TRMU: variants seen among roughly 807,000 people sequenced by gnomAD.
TRMU encodes mitochondrial tRNA-specific 2-thiouridylase 1.
In TRMU, 49 loss-of-function variants were observed where a neutral mutation model predicts 46.9. The ratio of observed to expected loss-of-function variants is 1.05; its 90% CI spans 0.83 to 1.33. The LOEUF (loss-of-function observed/expected upper bound fraction) is 1.33. TRMU is among the 40% of genes most tolerant of loss of function. TRMU has a pLI of 0.00. For synonymous variants in TRMU, 241 were observed against 200.9 expected, an observed-to-expected ratio of 1.20 and a Z score of -1.69; for missense variants, 572 against 532.4, an observed-to-expected ratio of 1.07 and a Z score of -0.73.
At position 46,350,457 on chromosome 22, in the gene TRMU, G is replaced by T. The variant is rs1412005248; in HGVS notation, c.645G>T (p.Lys215Asn). 2 of 1,613,488 alleles carry T rather than the reference G, an allele frequency of 1.2e-6. No individual in the cohort carries two copies. The highest frequency in any genetic ancestry group is 1.7e-6 in the Non-Finnish European group (2 of 1,180,006). ...ATAGACTTCATCATGTGCTTCAGAAGAAAGAGGTACGAGTGAGCAGTTGCC... is the reference window on the plus strand; with the variant it reads ...ATAGACTTCATCATGTGCTTCAGAATAAAGAGGTACGAGTGAGCAGTTGCC... The part of the protein sequence containing the change: ...AENRLHHVLQ[K>N]KESMGMCFIG... Residue 215 changes from lysine to asparagine, a missense_variant, in exon 5 of 11, where the codon AAG becomes AAT. Transcript: ENST00000645190. The surrounding 1 kb of genome is among the most constrained non-coding windows in gnomAD (Gnocchi z 4.6).
chr22:46,343,326 A>G lies in TRMU; in HGVS notation c.313A>G (p.Ile105Val), dbSNP rs757024177. 2 of 1,614,154 alleles carry G rather than the reference A, an allele frequency of 1.2e-6. No homozygotes were observed. Among genetic ancestry groups the G allele is most frequent in the South Asian group, 2.2e-5 (2 of 91,082 alleles). ...TCCTGACATAGTTTGCAACAAGCAC[A>G]TCAAATTTAGTTGCTTTTTTCATTA... is the stretch of plus-strand genomic sequence containing the variant. ...PNPDIVCNKH[I>V]KFSCFFHYAV... Residue 105 changes from isoleucine (I) to valine (V), a missense_variant, in exon 3 of 11, where the codon ATC becomes GTC. Ile to Val is a conservative substitution (Grantham distance 29). Coordinates refer to ENST00000645190, the MANE Select transcript of TRMU (RefSeq NM_018006.5).
In TRMU at chr22:46,346,459, T is replaced by C. The variant is rs780629261; in HGVS notation, c.393T>C (p.Thr131=). 3.7e-6 allele frequency: 6 copies of C among 1,613,472 alleles called. No individual in the cohort carries two copies. In the Admixed American group the frequency reaches 1.0e-4, roughly 27 times the overall value. ...DAIATGHYAR[T]SLEDEEVFEQ... is the part of the protein sequence containing the mutation. ...TTGCCACAGGTCACTATGCAAGAAC[T>C]TCCCTGGAAGATGAAGAAGTCTTTG... The change falls in exon 4 of 11, where the codon ACT becomes ACC. Residue 131 remains threonine, a synonymous_variant. Transcript: ENST00000645190.
intron 4 of TRMU, 55 bp downstream of exon 4, chr22:46,346,599 T>C (rs777258550): frequency 1.9e-6 from 3 of 1,585,006 alleles, no homozygotes; most frequent in African/African-American, 2.7e-5. Flanking sequence ...TTGAAATCTT[T>C]GGAGGAATGA....
chr22:46,356,035 CAGCTGTGCA>C lies in TRMU; in HGVS notation c.1065_1073del (p.Gln358_Val360del), dbSNP rs765786491. On this transcript the variant is annotated inframe_deletion, in exon 10 of 11. Transcript: ENST00000645190. The stretch of plus-strand genomic sequence containing the variant: ...AATCAAGATGGCACCGTGTGGGTGA[CAGCTGTGCA>C]GGCTGTGCGTGCCCTTGCCACAGGA... The C allele has an allele frequency of 2.5e-6, 4 of 1,613,958 alleles. No individual in the cohort carries two copies. Among genetic ancestry groups the C allele is most frequent in the Non-Finnish European group, 3.4e-6 (4 of 1,179,952 alleles).
rs79191193 is a variant in TRMU at position 46,342,083 on chromosome 22, G to A, written c.249-1179G>A. On this transcript the variant is annotated intron_variant, in intron 2 of 10. Coordinates refer to ENST00000645190, the MANE Select transcript of TRMU (RefSeq NM_018006.5). The surrounding 1 kb of genome is among the most constrained non-coding windows in gnomAD (Gnocchi z 4.7). ...ACTGGGTGTCCTCTGATTCAGTTCC[G>A]ATACCATCTACTTGGAGATAGTGCT... Among the ~76,000 whole-genome samples the A allele has an allele frequency of 0.015, 2,258 of 152,274 alleles. 46 individuals are homozygous for A. The highest frequency in any genetic ancestry group is 0.049 in the African/African-American group (2,052 of 41,540).
intron 9 of TRMU, 83 bp downstream of exon 9, chr22:46,355,671 C>G: frequency 6.2e-7 from 1 of 1,606,138 alleles, no homozygotes; most frequent in Non-Finnish European, 8.5e-7. Context: ...ATGGGAGACC[C>G]TGGGGTAGGA....
Position 46,349,866 on chromosome 22 carries a change from C to G in TRMU, c.479-425C>G, listed in dbSNP as rs1329545745. 6.6e-6 allele frequency among the ~76,000 whole-genome samples: 1 copy of G among 152,128 alleles called. No homozygotes were observed. The highest frequency in any genetic ancestry group is 1.5e-5 in the Non-Finnish European group (1 of 68,028). On this transcript the variant is annotated intron_variant, in intron 4 of 10. Transcript: ENST00000645190. This position sits in a 1 kb window ranked among gnomAD's most constrained non-coding sequence, Gnocchi z 4.6. ...TAGAGTCCTTGAAACCACTGTGGCA[C>G]GAACACATCCTGTGGTTGTTGGAAG...
chr22:46,335,875 C>G (rs1306630801), intron 1 of TRMU, 29 bp downstream of exon 1: 6 of 1,533,534 alleles, frequency 3.9e-6, no homozygotes, highest in African/African-American at 2.8e-5. Flanking sequence ...CCGCCCCCCG[C>G]CGAGCGAATG....
Position 46,338,024 on chromosome 22 carries a change from C to G in TRMU, c.248+80C>G. 1 of 1,586,510 alleles carries G rather than the reference C, an allele frequency of 6.3e-7. No homozygotes were observed. Among genetic ancestry groups the G allele is most frequent in the Non-Finnish European group, 8.6e-7 (1 of 1,156,754 alleles). Reference sequence around the variant, plus strand: ...TGGAAGGATCCGGTAACCAGCCAGACCGACGCCTGTGCTGCAGCCCAGCGC... The same window carrying G: ...TGGAAGGATCCGGTAACCAGCCAGAGCGACGCCTGTGCTGCAGCCCAGCGC... On this transcript the variant is annotated intron_variant, in intron 2 of 10. Transcript: ENST00000645190. This position sits in a 1 kb window ranked among gnomAD's most constrained non-coding sequence, Gnocchi z 4.5.
Position 46,337,665 on chromosome 22 carries a change from G to A in TRMU, c.83-114G>A, listed in dbSNP as rs979575219. The A allele has an allele frequency of 5.7e-6, 8 of 1,408,464 alleles. No individual in the cohort carries two copies. In the African/African-American group the frequency reaches 1.1e-4, roughly 20 times the overall value. The allele number at this position is 1,408,464 out of a possible 1,614,324, so 87.2% of individuals were successfully genotyped here. A position where few individuals can be genotyped will look rare whatever the true frequency, so the allele number is the denominator to read the frequency against. On this transcript the variant is annotated intron_variant, in intron 1 of 10. Transcript: ENST00000645190. ...AAAGCAGGGACTGCCCGGCAGGCCA[G>A]GCACAGAGGCACAGGAGCACAGCGT...
rs1182015567 is a variant in TRMU at position 46,350,648 on chromosome 22, G to A, written c.651+185G>A. ...CACGGTACAGGGCTCTGCTGACATC[G>A]GGAGCAGCCTATACGAGACTCCTTG... On this transcript the variant is annotated intron_variant, in intron 5 of 10. Coordinates refer to ENST00000645190, the MANE Select transcript of TRMU (RefSeq NM_018006.5). This position sits in a 1 kb window ranked among gnomAD's most constrained non-coding sequence, Gnocchi z 4.6. Among the ~76,000 whole-genome samples the A allele has an allele frequency of 6.6e-6, 1 of 152,178 alleles. No homozygotes were observed. The highest frequency in any genetic ancestry group is 1.5e-5 in the Non-Finnish European group (1 of 68,036).
intron 3 of TRMU, among the ~76,000 whole-genome samples, chr22:46,344,160 A>G (rs1569068514): frequency 6.6e-6 from 1 of 152,232 alleles, no homozygotes; most frequent in African/African-American, 2.4e-5. Context: ...GATTGGAAAG[A>G]CCTAGCTTGG....
At chr22:46,345,956 T>C (rs1264298382) in intron 3 of TRMU, among the ~76,000 whole-genome samples, 5 of 151,892 alleles carry the variant, frequency 3.3e-5, no homozygotes, top group Admixed American at 3.3e-4. Flanking sequence ...TTTGTAAAGG[T>C]GGGATTTCAC....
chr22:46,346,082 T>C (rs1055930172), intron 3 of TRMU, among the ~76,000 whole-genome samples: 3 of 152,212 alleles, frequency 2.0e-5, no homozygotes, highest in African/African-American at 7.2e-5. Flanking sequence ...CCCTTCGTAT[T>C]ATCACAAACC....
rs1601940439 is a variant in TRMU at position 46,339,893 on chromosome 22, A to G, written c.248+1949A>G. The stretch of plus-strand genomic sequence containing the variant: ...CATTAAAAACTTATCTGTAGAATGC[A>G]TGATAAATGCATTAAAAACTTCTGC... On this transcript the variant is annotated intron_variant, in intron 2 of 10. Coordinates refer to ENST00000645190, the MANE Select transcript of TRMU (RefSeq NM_018006.5). This position sits in a 1 kb window ranked among gnomAD's most constrained non-coding sequence, Gnocchi z 4.8. Among the ~76,000 whole-genome samples, 1 of 152,172 alleles carries G rather than the reference A, an allele frequency of 6.6e-6. No homozygotes were observed. The highest frequency in any genetic ancestry group is 2.4e-5 in the African/African-American group (1 of 41,426).
chr22:46,337,743 T>C, intron 1 of TRMU, 36 bp from the exon 2 acceptor site: 1 of 1,613,522 alleles, frequency 6.2e-7, no homozygotes, highest in Non-Finnish European at 8.5e-7. Context: ...GAAGGTTGAT[T>C]TATGTATTCT....
intron 5 of TRMU, 90 bp from the exon 6 acceptor site, chr22:46,352,031 G>A (rs2078442949): frequency 2.8e-6 from 4 of 1,450,974 alleles, no homozygotes; most frequent in Admixed American, 1.7e-5. Context: ...GGTGAGGCCG[G>A]GAGGCCCCAG....
chr22:46,351,799 G>C lies in TRMU; in HGVS notation c.652-322G>C, dbSNP rs929629673. 1 of 448,438 alleles carries C rather than the reference G, an allele frequency of 2.2e-6. No individual in the cohort carries two copies. Among genetic ancestry groups the C allele is most frequent in the Non-Finnish European group, 4.1e-6 (1 of 241,376 alleles). 27.8% of individuals were successfully genotyped at this position (448,438 alleles called of 1,614,324 possible). The stretch of plus-strand genomic sequence containing the variant: ...GCTACCTGCCCCTTCTCTGGTCCCT[G>C]TCTCTCCCCCACTCCTCGCAGGACA... On this transcript the variant is annotated intron_variant, in intron 5 of 10. Coordinates refer to ENST00000645190, the MANE Select transcript of TRMU (RefSeq NM_018006.5). This position sits in a 1 kb window ranked among gnomAD's most constrained non-coding sequence, Gnocchi z 6.4.
chr22:46,356,779 G>T lies in TRMU; in HGVS notation c.1102-63G>T. On this transcript the variant is annotated intron_variant, in intron 10 of 10. Transcript: ENST00000645190. Reference sequence around the variant, plus strand: ...GCCAGGCCCCATAGGGGAGCACTCTGCCCCTGCCTGCCCTCGGCTGGCTCC... The same window carrying T: ...GCCAGGCCCCATAGGGGAGCACTCTTCCCCTGCCTGCCCTCGGCTGGCTCC... 8 of 1,597,396 alleles carry T rather than the reference G, an allele frequency of 5.0e-6. No individual in the cohort carries two copies. In the South Asian group the frequency reaches 8.9e-5, roughly 18 times the overall value.
Sources: allele counts gnomAD v4.1 joint callset (sites outside exome capture counted in the v4.1 genomes callset), GRCh38; gene constraint gnomAD v4.1.1; non-coding constraint Gnocchi (gnomAD v3.1); transcripts MANE v1.5; gene names NCBI Gene and HGNC (gene_info 2026-07-23, HGNC 2026-07-21).